The following ST8SIA5 variants were observed in gnomAD, a reference collection of about 807,000 sequenced individuals.
ST8SIA5 encodes the protein alpha-2,8-sialyltransferase 8E.
In ST8SIA5, 24 loss-of-function variants were observed where a neutral mutation model predicts 40.2. The observed-to-expected ratio is 0.60, with a 90% CI of 0.43 to 0.84. The LOEUF (loss-of-function observed/expected upper bound fraction) is 0.84, where lower values mean the gene tolerates loss of function less well. Among genes scored for constraint, ST8SIA5 ranks in the 40% least tolerant of loss-of-function variants. The pLI is 0.00. For missense variants in ST8SIA5, 465 were observed against 498.5 expected (o/e 0.93, Z 0.64); for synonymous variants, 198 against 201.8 (o/e 0.98, Z 0.16).
chr18:46,699,382 T>G (rs1028625164), intron 2 of ST8SIA5, among the ~76,000 whole-genome samples: 1 of 151,968 alleles, frequency 6.6e-6, no homozygotes, highest in Non-Finnish European at 1.5e-5. Flanking sequence ...CTCCCTCTTT[T>G]TTTTTCTTTT....
At chr18:46,748,954 C>T (rs560514861) in intron 1 of ST8SIA5, among the ~76,000 whole-genome samples, 1 of 152,242 alleles carries the variant, frequency 6.6e-6, no homozygotes, top group African/African-American at 2.4e-5. Context: ...AAAAACAACT[C>T]AAATGTCTAT....
intron 5 of ST8SIA5, among the ~76,000 whole-genome samples, chr18:46,683,186 G>A (rs1337410979): frequency 6.6e-6 from 1 of 152,112 alleles, no homozygotes; most frequent in Non-Finnish European, 1.5e-5. Flanking sequence ...CCTTCAGGGG[G>A]AAACGGAGGT....
chr18:46,752,948 A>G (rs3893181), intron 1 of ST8SIA5, among the ~76,000 whole-genome samples: 55,461 of 151,986 alleles, frequency 0.36, 10,880 homozygotes, highest in African/African-American at 0.51. Flanking sequence ...CCCAGCTAAC[A>G]TCCTTCTTAG....
At chr18:46,724,299 C>A (rs565221094) in intron 1 of ST8SIA5, among the ~76,000 whole-genome samples, 1 of 152,378 alleles carries the variant, frequency 6.6e-6, no homozygotes, top group Non-Finnish European at 1.5e-5. Context: ...CTCTCTGCTG[C>A]ACACATGAAG....
intron 2 of ST8SIA5, among the ~76,000 whole-genome samples, chr18:46,692,864 C>A: frequency 9.1e-6 from 1 of 109,782 alleles, no homozygotes. Flanking sequence ...ACCATCCCCT[C>A]CCCACCCCCC....
rs1261265570 is a variant in ST8SIA5 at position 46,672,191 on chromosome 18, AGTATTTCTTAAAGCTCTTCAGAC to A, written c.*7828_*7850del. The A allele has an allele frequency of 6.6e-6, 1 of 152,204 alleles. No homozygotes were observed. Among genetic ancestry groups the A allele is most frequent in the African/African-American group, 2.4e-5 (1 of 41,446 alleles). 9.4% of individuals were successfully genotyped at this position (152,204 alleles called of 1,614,324 possible). A position where few individuals can be genotyped will look rare whatever the true frequency, so the allele number is the denominator to read the frequency against. ...GAATGTCAAGGGGTGGGGTCGCACG[AGTATTTCTTAAAGCTCTTCAGAC>A]GACTCTAGCGTGCACCAAGGCATAG... On this transcript the variant is annotated 3_prime_UTR_variant, in exon 7 of 7. Transcript: ENST00000315087.
At chr18:46,706,927 C>A (rs1354616767) in intron 1 of ST8SIA5, among the ~76,000 whole-genome samples, 2 of 152,174 alleles carry the variant, frequency 1.3e-5, no homozygotes, top group Admixed American at 6.5e-5. Flanking sequence ...GGGAGGAATT[C>A]TTGGAAGTTC....
rs1042649857 is a variant in ST8SIA5, at chr18:46,672,879, C to T, written c.*7163G>A. ...AATCAGATTTCTGCTTTAGGGACAC[C>T]CAAAACAGTTAATGTCATTTGAGAG... On this transcript the variant is annotated 3_prime_UTR_variant, in exon 7 of 7. Coordinates refer to ENST00000315087, the MANE Select transcript of ST8SIA5 (RefSeq NM_013305.6). The T allele has an allele frequency of 6.6e-6, 1 of 152,118 alleles. No individual in the cohort carries two copies. The highest frequency in any genetic ancestry group is 1.5e-5 in the Non-Finnish European group (1 of 68,020). 9.4% of individuals were successfully genotyped at this position (152,118 alleles called of 1,614,324 possible).
chr18:46,710,405 T>TTCTCTC lies in ST8SIA5; in HGVS notation c.132-5742_132-5741insGAGAGA, dbSNP rs1170018279. Among the ~76,000 whole-genome samples the TTCTCTC allele has an allele frequency of 1.7e-4, 21 of 121,806 alleles. No homozygotes were observed. The East Asian group carries it at 4.5e-3, about 26-fold the overall frequency. 79.9% of individuals were successfully genotyped at this position (121,806 alleles called of 152,430 possible). ...TTTCTTTCTTTCTTTCTTTCTTTCT[T>TTCTCTC]TCTTTCTTTCTTTTTCTTTCTCTCT... On this transcript the variant is annotated intron_variant, in intron 1 of 6. Coordinates refer to ENST00000315087, the MANE Select transcript of ST8SIA5 (RefSeq NM_013305.6).
intron 1 of ST8SIA5, among the ~76,000 whole-genome samples, chr18:46,707,514 A>G (rs1386524309): frequency 6.6e-6 from 1 of 152,084 alleles, no homozygotes; most frequent in African/African-American, 2.4e-5. Flanking sequence ...CTGCATCCTC[A>G]ACATCACTCA....
At chr18:46,744,244 G>T (rs2040116247) in intron 1 of ST8SIA5, among the ~76,000 whole-genome samples, 1 of 152,136 alleles carries the variant, frequency 6.6e-6, no homozygotes, top group African/African-American at 2.4e-5. Flanking sequence ...TGGACTAAAT[G>T]CTCCAATTAA....
At chr18:46,692,362 G>A (rs1248990005) in intron 2 of ST8SIA5, 107 bp from the exon 3 acceptor site, 5 of 958,216 alleles carry the variant, frequency 5.2e-6, no homozygotes, top group Middle Eastern at 2.5e-4. Context: ...GTCCAGTCCT[G>A]GGGCTGGCCC....
intron 3 of ST8SIA5, among the ~76,000 whole-genome samples, chr18:46,689,464 C>A (rs1310279455): frequency 2.0e-5 from 3 of 150,398 alleles, no homozygotes; most frequent in Admixed American, 6.6e-5. Flanking sequence ...ACTGGAAGGT[C>A]TCTCTCTTTC....
chr18:46,696,006 G>A (rs72917407), intron 2 of ST8SIA5, among the ~76,000 whole-genome samples: 1,765 of 152,336 alleles, frequency 0.012, 6 homozygotes, highest in Non-Finnish European at 0.018. Context: ...AGTGAAGCAG[G>A]TTAAAGGGAC....
intron 1 of ST8SIA5, among the ~76,000 whole-genome samples, chr18:46,754,614 G>A (rs986161062): frequency 2.6e-5 from 4 of 152,222 alleles, no homozygotes; most frequent in Admixed American, 1.3e-4. Context: ...ATGCGATTCA[G>A]GGGGTCAGGG....
intron 1 of ST8SIA5, 110 bp downstream of exon 1, chr18:46,756,268 C>T (rs1487731374): frequency 6.8e-7 from 1 of 1,468,680 alleles, no homozygotes; most frequent in East Asian, 2.5e-5. Context: ...AGGAGCGGAC[C>T]CCACGGCCAC....
chr18:46,751,616 C>T (rs2040196460), intron 1 of ST8SIA5, among the ~76,000 whole-genome samples: 1 of 152,038 alleles, frequency 6.6e-6, no homozygotes, highest in African/African-American at 2.4e-5. Flanking sequence ...AAGCTGGTCT[C>T]GAACCCCTGA....
chr18:46,712,014 T>G (rs372829844), intron 1 of ST8SIA5, among the ~76,000 whole-genome samples: 5 of 152,294 alleles, frequency 3.3e-5, no homozygotes, highest in Admixed American at 6.5e-5. Context: ...CTGAGGGTCA[T>G]TTCTGGCACA....
intron 1 of ST8SIA5, among the ~76,000 whole-genome samples, chr18:46,734,711 GTC>G (rs1215099450): frequency 1.3e-5 from 2 of 152,132 alleles, no homozygotes; most frequent in African/African-American, 2.4e-5. Context: ...AGCCAGAGGG[GTC>G]TCTCTGCCTT....
Sources: allele counts gnomAD v4.1 joint callset (sites outside exome capture counted in the v4.1 genomes callset), GRCh38; gene constraint gnomAD v4.1.1; transcripts MANE v1.5; gene names NCBI Gene and HGNC (gene_info 2026-07-23, HGNC 2026-07-21).